Variants in NEDD4L observed in about 807,000 individuals in gnomAD.
NEDD4L encodes the protein NEDD4 like E3 ubiquitin protein ligase.
NEDD4L carries 54 observed loss-of-function variants against 148.9 expected under a neutral mutation model. The observed-to-expected ratio is 0.36, with a 90% confidence interval of 0.29 to 0.45. The LOEUF (loss-of-function observed/expected upper bound fraction) is 0.45, where lower values mean the gene tolerates loss of function less well. Among genes scored for constraint, NEDD4L ranks in the 20% least tolerant of loss-of-function variants. NEDD4L has a pLI of 1.00. For synonymous variants in NEDD4L, 433 were observed against 440.7 expected (o/e 0.98, Z 0.22); for missense variants, 856 against 1,233.8 (o/e 0.69, Z 4.59).
At chr18:58,298,367 C>T (rs909588045) in intron 5 of NEDD4L, among the ~76,000 whole-genome samples, 1 of 152,142 alleles carries the variant, frequency 6.6e-6, no homozygotes, top group African/African-American at 2.4e-5. Flanking sequence ...CCCTGGTTAT[C>T]TTAGTAAAAT....
chr18:58,156,371 C>T (rs1568299748), intron 1 of NEDD4L, among the ~76,000 whole-genome samples: 3 of 152,162 alleles, frequency 2.0e-5, no homozygotes, highest in African/African-American at 2.4e-5. Flanking sequence ...GAGTAGAAAA[C>T]ATTCTGGTTT....
chr18:58,320,793 C>T (rs772785315), intron 6 of NEDD4L, among the ~76,000 whole-genome samples: 1 of 152,090 alleles, frequency 6.6e-6, no homozygotes, highest in East Asian at 1.9e-4. Context: ...CCAGCCTGGA[C>T]AGCAGAAGAC....
intron 5 of NEDD4L, among the ~76,000 whole-genome samples, chr18:58,271,960 A>G (rs1490516481): frequency 6.6e-6 from 1 of 152,232 alleles, no homozygotes; most frequent in Non-Finnish European, 1.5e-5. Context: ...GGCTGAAATG[A>G]GATTGTCAGC....
chr18:58,390,340 AG>A (rs1189947131), intron 28 of NEDD4L: 3 of 250,352 alleles, frequency 1.2e-5, no homozygotes, highest in African/African-American at 6.6e-5. Context: ...TAATTGGCTT[AG>A]GGGGAACTGG....
chr18:58,237,098 A>G (rs2046123956), intron 2 of NEDD4L, among the ~76,000 whole-genome samples: 1 of 152,068 alleles, frequency 6.6e-6, no homozygotes, highest in African/African-American at 2.4e-5. Context: ...TAATATATAT[A>G]TCGCCACCTT....
intron 2 of NEDD4L, among the ~76,000 whole-genome samples, chr18:58,242,570 G>A (rs550328622): frequency 2.6e-5 from 4 of 152,158 alleles, no homozygotes; most frequent in Non-Finnish European, 4.4e-5. Context: ...GCACAATCTC[G>A]GTTCGCTGCA....
At chr18:58,216,379 TCAGCCTGGAGAGTTG>T (rs995343839) in intron 2 of NEDD4L, among the ~76,000 whole-genome samples, 1 of 152,128 alleles carries the variant, frequency 6.6e-6, no homozygotes, top group Non-Finnish European at 1.5e-5. Context: ...TTGTAGTAAG[TCAGCCTGGAGAGTTG>T]CAAGAAAGGA....
At chr18:58,118,796 G>C (rs948428894) in intron 1 of NEDD4L, among the ~76,000 whole-genome samples, 19 of 152,118 alleles carry the variant, frequency 1.2e-4, no homozygotes, top group African/African-American at 4.3e-4. Context: ...TCCAGTGAAG[G>C]CCCCTGTGTC....
At position 58,341,632 on chromosome 18, in the gene NEDD4L, C is replaced by G. The variant is rs781728401; in HGVS notation, c.1258-46C>G. The stretch of plus-strand genomic sequence containing the variant: ...GGTTCGCGCTCCTAATCACACACAC[C>G]GGGAGATCCTCCTATGAAGCTAACT... On this transcript the variant is annotated intron_variant, in intron 14 of 30. Coordinates refer to ENST00000400345, the MANE Select transcript of NEDD4L (RefSeq NM_001144967.3). 5 of 1,584,040 alleles carry G rather than the reference C, an allele frequency of 3.2e-6. No homozygotes were observed. In the South Asian group the frequency reaches 3.5e-5, roughly 11 times the overall value.
At chr18:58,311,953 C>G (rs1159527823) in intron 5 of NEDD4L, among the ~76,000 whole-genome samples, 2 of 152,328 alleles carry the variant, frequency 1.3e-5, no homozygotes, top group Admixed American at 6.5e-5. Flanking sequence ...TCTGCATGAA[C>G]AGGGCGCCCA....
chr18:58,328,817 A>G (rs1220502319), intron 9 of NEDD4L, among the ~76,000 whole-genome samples, 178 bp from the exon 10 acceptor site: 1 of 152,156 alleles, frequency 6.6e-6, no homozygotes, highest in Non-Finnish European at 1.5e-5. Flanking sequence ...ATGAACCTTA[A>G]CCTATACTTT....
chr18:58,204,668 A>G (rs758251994), intron 2 of NEDD4L, among the ~76,000 whole-genome samples: 7 of 152,196 alleles, frequency 4.6e-5, no homozygotes, highest in Non-Finnish European at 7.3e-5. Context: ...GTCATGACGC[A>G]TGGGAATTGC....
intron 1 of NEDD4L, among the ~76,000 whole-genome samples, chr18:58,095,123 T>C (rs1220451633): frequency 7.9e-5 from 12 of 152,182 alleles, no homozygotes; most frequent in Admixed American, 7.8e-4. Context: ...AGGTTCTCAT[T>C]GTTTTATTCC....
At chr18:58,163,114 T>C (rs2036427732) in intron 1 of NEDD4L, among the ~76,000 whole-genome samples, 1 of 151,926 alleles carries the variant, frequency 6.6e-6, no homozygotes, top group African/African-American at 2.4e-5. Context: ...TTGCCCAGGC[T>C]AGAGTGCAGT....
At chr18:58,123,873 G>T (rs1024610536) in intron 1 of NEDD4L, among the ~76,000 whole-genome samples, 4 of 152,234 alleles carry the variant, frequency 2.6e-5, no homozygotes, top group African/African-American at 7.2e-5. Context: ...CACTCTCAAG[G>T]CATCTTCTTC....
chr18:58,162,007 C>A (rs950486405), intron 1 of NEDD4L, among the ~76,000 whole-genome samples: 1 of 152,096 alleles, frequency 6.6e-6, no homozygotes, highest in African/African-American at 2.4e-5. Flanking sequence ...GTTTGTAACT[C>A]AATTTTATAA....
intron 2 of NEDD4L, among the ~76,000 whole-genome samples, chr18:58,244,940 C>A (rs2047080648): frequency 6.6e-6 from 1 of 152,156 alleles, no homozygotes; most frequent in Non-Finnish European, 1.5e-5. Flanking sequence ...AGGTGATCCA[C>A]CTGCCTCTGC....
At chr18:58,310,057 CTT>C (rs1568650698) in intron 5 of NEDD4L, among the ~76,000 whole-genome samples, 4 of 145,942 alleles carry the variant, frequency 2.7e-5, no homozygotes, top group African/African-American at 1.1e-4. Context: ...TGCTCGCTCT[CTT>C]TCTCTCTCTC....
At chr18:58,344,017 G>GT (rs1409289837) in intron 16 of NEDD4L, among the ~76,000 whole-genome samples, 1 of 152,156 alleles carries the variant, frequency 6.6e-6, no homozygotes, top group Non-Finnish European at 1.5e-5. Context: ...GTTTAACTTG[G>GT]TCCTACTATT....
Sources: gnomAD v4.1 joint callset for allele counts (sites outside exome capture counted in the v4.1 genomes callset) on GRCh38, gnomAD v4.1.1 for gene constraint, MANE v1.5 for transcripts, NCBI Gene and HGNC (gene_info 2026-07-23, HGNC 2026-07-21) for gene names.